Variants in AK2 observed in about 807,000 individuals in gnomAD.
The protein encoded by AK2 is adenylate kinase 2, mitochondrial.
A neutral mutation model predicts 24.6 loss-of-function variants in AK2; 15 were observed. The ratio of observed to expected loss-of-function variants is 0.61; its 90% CI spans 0.41 to 0.94. The LOEUF (loss-of-function observed/expected upper bound fraction) is 0.94, where lower values mean the gene tolerates loss of function less well. AK2 is among the 40% of genes least tolerant of loss of function. The pLI, the probability that AK2 is intolerant of heterozygous loss-of-function variation, is 0.00. For missense variants in AK2, 257 were observed against 304.1 expected (o/e 0.85, Z 1.15); for synonymous variants, 102 against 114.0 (o/e 0.90, Z 0.67).
intron 4 of AK2, chr1:33,019,979 C>T (rs1465375773): frequency 1.9e-5 from 28 of 1,440,292 alleles, no homozygotes; most frequent in African/African-American, 8.7e-5. Context: ...AAAAAAGCTA[C>T]AGCCCACAAT....
At chr1:33,032,811 A>G (rs1208521153) in intron 1 of AK2, among the ~76,000 whole-genome samples, 2 of 152,212 alleles carry the variant, frequency 1.3e-5, no homozygotes, top group African/African-American at 4.8e-5. Flanking sequence ...TGTTAAGTAC[A>G]CCAGGGGAAT....
chr1:33,017,118 G>A (rs1258257637), intron 4 of AK2, among the ~76,000 whole-genome samples: 1 of 152,192 alleles, frequency 6.6e-6, no homozygotes, highest in Non-Finnish European at 1.5e-5. Context: ...TAAATGCCAT[G>A]TAAAGAATTG....
chr1:33,016,953 C>T (rs1451333171), intron 4 of AK2, among the ~76,000 whole-genome samples: 1 of 151,896 alleles, frequency 6.6e-6, no homozygotes, highest in African/African-American at 2.4e-5. Flanking sequence ...GATCCACCCA[C>T]CTCGGCCTCC....
intron 1 of AK2, among the ~76,000 whole-genome samples, chr1:33,035,275 A>G (rs1315070878): frequency 6.6e-6 from 1 of 152,156 alleles, no homozygotes; most frequent in Non-Finnish European, 1.5e-5. Context: ...GTATTTTCTG[A>G]CTTAGTGCCC....
rs1557602065 is a variant in AK2 at position 33,008,602 on chromosome 1, T to A, written c.*4579A>T. 1 of 453,940 alleles carries A rather than the reference T, an allele frequency of 2.2e-6. No homozygotes were observed. 28.1% of individuals were successfully genotyped at this position (453,940 alleles called of 1,614,324 possible). The stretch of plus-strand genomic sequence containing the variant: ...CAACAAGATCAAGGGGACGGATAAG[T>A]GTTAGAGACTGTGTTTCAGTCCTGA... On this transcript the variant is annotated 3_prime_UTR_variant, in exon 6 of 6. Transcript: ENST00000672715.
At chr1:33,033,870 T>C (rs1383554511) in intron 1 of AK2, among the ~76,000 whole-genome samples, 3 of 152,186 alleles carry the variant, frequency 2.0e-5, no homozygotes, top group African/African-American at 7.2e-5. Context: ...TTGTAAAGTC[T>C]GATTTAAGAT....
Position 33,010,365 on chromosome 1 carries a change from T to C in AK2, c.*2816A>G, listed in dbSNP as rs1461536674. ...TGGAGATGGTTTTTTGATCTTACAG[T>C]GTGTGGAACCGGAGTCAGTAATCAA... On this transcript the variant is annotated 3_prime_UTR_variant, in exon 6 of 6. Coordinates refer to ENST00000672715, the MANE Select transcript of AK2 (RefSeq NM_001625.4). 2.1e-6 allele frequency: 1 copy of C among 468,082 alleles called. No individual in the cohort carries two copies. The highest frequency in any genetic ancestry group is 4.2e-6 in the Non-Finnish European group (1 of 236,600). 29.0% of individuals were successfully genotyped at this position (468,082 alleles called of 1,614,324 possible). A position where few individuals can be genotyped will look rare whatever the true frequency, so the allele number is the denominator to read the frequency against.
chr1:33,033,816 G>A (rs576190318), intron 1 of AK2, among the ~76,000 whole-genome samples: 2 of 152,198 alleles, frequency 1.3e-5, no homozygotes, highest in African/African-American at 2.4e-5. Context: ...AAGTTAAGGT[G>A]TATGAGATGT....
At position 33,008,059 on chromosome 1, in the gene AK2, T is replaced by G; in HGVS notation, c.*5122A>C. On this transcript the variant is annotated 3_prime_UTR_variant, in exon 6 of 6. Transcript: ENST00000672715. ...CACATAAAGAATTCTGCATATAATT[T>G]CAGAGGTCTATGATTTCTAGGGGAT... The G allele has an allele frequency of 2.2e-6, 1 of 454,150 alleles. No homozygotes were observed. The highest frequency in any genetic ancestry group is 4.4e-6 in the Non-Finnish European group (1 of 226,800). The allele number at this position is 454,150 out of a possible 1,614,324, so 28.1% of individuals were successfully genotyped here.
intron 4 of AK2, 84 bp from the exon 5 acceptor site, chr1:33,014,678 C>A: frequency 1.7e-6 from 2 of 1,201,536 alleles, no homozygotes; most frequent in Non-Finnish European, 2.4e-6. Flanking sequence ...GAATGACAAG[C>A]AGAGATAGGG....
intron 1 of AK2, among the ~76,000 whole-genome samples, chr1:33,025,742 T>C (rs911523715): frequency 1.2e-4 from 18 of 152,186 alleles, no homozygotes; most frequent in African/African-American, 4.3e-4. Context: ...AAAATGGAGA[T>C]GGTAATAGTA....
In AK2 at chr1:33,012,392, T is replaced by C. The variant is rs1217667388; in HGVS notation, c.*789A>G. On this transcript the variant is annotated 3_prime_UTR_variant, in exon 6 of 6. Transcript: ENST00000672715. ...TGTTCACACACTGACTCACGTGGGT[T>C]TTCATCATGGGTTAGAAAACAAAAT... 3 of 1,513,824 alleles carry C rather than the reference T, an allele frequency of 2.0e-6. No homozygotes were observed. Among genetic ancestry groups the C allele is most frequent in the Non-Finnish European group, 2.6e-6 (3 of 1,134,690 alleles). The allele number at this position is 1,513,824 out of a possible 1,614,324, so 93.8% of individuals were successfully genotyped here. A position where few individuals can be genotyped will look rare whatever the true frequency, so the allele number is the denominator to read the frequency against.
At chr1:33,033,687 T>C (rs2124389189) in intron 1 of AK2, among the ~76,000 whole-genome samples, 1 of 152,302 alleles carries the variant, frequency 6.6e-6, no homozygotes, top group African/African-American at 2.4e-5. Context: ...TGCTTTATAA[T>C]AATTTGTGAA....
chr1:33,029,210 C>T (rs1444916676), intron 1 of AK2: 1 of 152,190 alleles, frequency 6.6e-6, no homozygotes, highest in Admixed American at 6.6e-5. Context: ...TTGTAACCAT[C>T]ATCTTCTTCT....
At chr1:33,014,656 T>C in intron 4 of AK2, 62 bp from the exon 5 acceptor site, 1 of 1,404,066 alleles carries the variant, frequency 7.1e-7, no homozygotes, top group Non-Finnish European at 1.0e-6. Context: ...CACTCCACTC[T>C]AGGGGGCTCC....
At chr1:33,023,726 A>C (rs116351435) in intron 2 of AK2, among the ~76,000 whole-genome samples, 4 of 152,356 alleles carry the variant, frequency 2.6e-5, no homozygotes, top group African/African-American at 9.6e-5. Flanking sequence ...CCTCTCTTGA[A>C]TACATCTCTG....
rs974899262 is a variant in AK2, at chr1:33,008,540, T to C, written c.*4641A>G. 1.1e-5 allele frequency: 5 copies of C among 453,988 alleles called. No individual in the cohort carries two copies. The highest frequency in any genetic ancestry group is 2.2e-5 in the Non-Finnish European group (5 of 226,798). 28.1% of individuals were successfully genotyped at this position (453,988 alleles called of 1,614,324 possible). ...AGCTCTTATTCAGAGCAGCCCTTCCTGTGTGCAGAGCTACGCAAGTAATTA... is the reference window on the plus strand; with the variant it reads ...AGCTCTTATTCAGAGCAGCCCTTCCCGTGTGCAGAGCTACGCAAGTAATTA... On this transcript the variant is annotated 3_prime_UTR_variant, in exon 6 of 6. Transcript: ENST00000672715.
At chr1:33,024,778 T>C (rs1296650075) in intron 1 of AK2, among the ~76,000 whole-genome samples, 1 of 152,244 alleles carries the variant, frequency 6.6e-6, no homozygotes, top group Non-Finnish European at 1.5e-5. Context: ...TGAAATAATA[T>C]ATGTAAAGCA....
chr1:33,024,612 C>T (rs1639759402), intron 1 of AK2, 45 bp from the exon 2 acceptor site: 1 of 1,613,094 alleles, frequency 6.2e-7, no homozygotes, highest in South Asian at 1.1e-5. Context: ...ACATTACAGG[C>T]TGTGGAGTCA....
Sources: allele counts gnomAD v4.1 joint callset (sites outside exome capture counted in the v4.1 genomes callset), GRCh38; gene constraint gnomAD v4.1.1; transcripts MANE v1.5; gene names NCBI Gene and HGNC (gene_info 2026-07-23, HGNC 2026-07-21).